The following ABLIM1 variants were observed in gnomAD, a reference collection of about 807,000 sequenced individuals.
The protein encoded by ABLIM1 is actin-binding LIM protein 1.
ABLIM1 carries 40 observed loss-of-function variants against 107.0 expected under a neutral mutation model. The ratio of observed to expected loss-of-function variants is 0.37; its 90% CI spans 0.29 to 0.49. The LOEUF is 0.49. Among genes scored for constraint, ABLIM1 ranks in the 20% least tolerant of loss-of-function variants. ABLIM1 has a pLI of 0.97. For synonymous variants in ABLIM1, 357 were observed against 357.3 expected, an observed-to-expected ratio of 1.00 and a Z score of 0.01; for missense variants, 857 against 1,008.5, an observed-to-expected ratio of 0.85 and a Z score of 2.04.
At chr10:114,479,103 C>T (rs2056946613) in intron 8 of ABLIM1, among the ~76,000 whole-genome samples, 1 of 152,104 alleles carries the variant, frequency 6.6e-6, no homozygotes, top group Admixed American at 6.6e-5. Flanking sequence ...TTTCTTTTAA[C>T]TTCCTTGAGC....
chr10:114,494,040 T>C (rs1210298297), intron 6 of ABLIM1, among the ~76,000 whole-genome samples: 1 of 152,192 alleles, frequency 6.6e-6, no homozygotes, highest in Admixed American at 6.5e-5. Context: ...AGTACTTTAG[T>C]ATGGGCATGG....
At chr10:114,787,393 G>C in the ABLIM1 span, among the ~76,000 whole-genome samples, 2 of 151,262 alleles carry the variant, frequency 1.3e-5, no homozygotes, top group African/African-American at 4.9e-5. Context: ...CACCCCGTCC[G>C]GGAGGGAGAT....
intron 1 of ABLIM1, among the ~76,000 whole-genome samples, chr10:114,711,246 T>A (rs1256370849): frequency 1.2e-4 from 19 of 152,232 alleles, no homozygotes; most frequent in Non-Finnish European, 2.6e-4. Context: ...GGGGTTTGCA[T>A]CATTTTCTTT....
chr10:114,485,353 C>T (rs139090722), intron 8 of ABLIM1: 1,125 of 1,612,508 alleles, frequency 7.0e-4, no homozygotes, highest in Admixed American at 1.1e-3. Flanking sequence ...TAAAAGAAAT[C>T]GGATGAAGAA....
chr10:114,702,437 T>C (rs994029447), intron 1 of ABLIM1, among the ~76,000 whole-genome samples: 1 of 152,186 alleles, frequency 6.6e-6, no homozygotes, highest in Non-Finnish European at 1.5e-5. Context: ...GTGATTCATT[T>C]GTATTTTAAC....
chr10:114,700,667 G>A (rs530635409), intron 1 of ABLIM1, among the ~76,000 whole-genome samples: 1 of 151,926 alleles, frequency 6.6e-6, no homozygotes, highest in African/African-American at 2.4e-5. Flanking sequence ...CTTTGCAAAG[G>A]CCCCAGTGCA....
Position 114,731,299 on chromosome 10 carries a change from C to G in ABLIM1, c.-213+36762G>C, listed in dbSNP as rs2082068165. Among the ~76,000 whole-genome samples the G allele has an allele frequency of 4.0e-5, 6 of 151,882 alleles. No homozygotes were observed. In the South Asian group the frequency reaches 1.2e-3, roughly 32 times the overall value. ...GAGATTACAGGTGCCTGCCACCACA[C>G]CCAGATAATTTTTTTTATTTTTAGT... On this transcript the variant is annotated intron_variant, in intron 1 of 15. Transcript: ENST00000651092.
Position 114,559,722 on chromosome 10 carries a change from A to T in ABLIM1, c.673+11575T>A, listed in dbSNP as rs562881623. 2.0e-5 allele frequency among the ~76,000 whole-genome samples: 3 copies of T among 152,250 alleles called. No homozygotes were observed. In the East Asian group the frequency reaches 5.8e-4, roughly 29 times the overall value. ...ATCCCTGAGCCACAAAGGACTTTGTATCTTTTTGCAGGGAGACAGAAGTAA... is the reference window on the plus strand; with the variant it reads ...ATCCCTGAGCCACAAAGGACTTTGTTTCTTTTTGCAGGGAGACAGAAGTAA... On this transcript the variant is annotated intron_variant, in intron 4 of 22. Transcript: ENST00000533213.
At chr10:114,564,191 T>C (rs2070287933) in intron 4 of ABLIM1, among the ~76,000 whole-genome samples, 1 of 151,694 alleles carries the variant, frequency 6.6e-6, no homozygotes, top group African/African-American at 2.4e-5. Flanking sequence ...GCCTCGTTGC[T>C]CTATCTTCCA....
At chr10:114,605,305 C>T (rs2076332344) in intron 1 of ABLIM1, among the ~76,000 whole-genome samples, 2 of 152,178 alleles carry the variant, frequency 1.3e-5, no homozygotes, top group South Asian at 4.2e-4. Flanking sequence ...TGTTTGTTGA[C>T]TCGATGCTAC....
chr10:114,512,759 A>G (rs909973892), intron 6 of ABLIM1, among the ~76,000 whole-genome samples: 1 of 151,390 alleles, frequency 6.6e-6, no homozygotes, highest in African/African-American at 2.4e-5. Flanking sequence ...CAGGAAGTGG[A>G]GGTTGCGGTG....
At chr10:114,769,646 A>G (rs947502722), upstream of ABLIM1, among the ~76,000 whole-genome samples, 1 of 152,148 alleles carries the variant, frequency 6.6e-6, no homozygotes, top group Admixed American at 6.5e-5. Context: ...TGTGATGGGA[A>G]TTGTATGGAA....
intron 6 of ABLIM1, among the ~76,000 whole-genome samples, chr10:114,541,713 G>T (rs756344568): frequency 6.6e-6 from 1 of 152,172 alleles, no homozygotes; most frequent in Non-Finnish European, 1.5e-5. Context: ...CTCACAAAAC[G>T]GCCTTCACAG....
chr10:114,441,042 A>G lies in ABLIM1; in HGVS notation c.2034T>C (p.Tyr678=), dbSNP rs143302464. ...CTCGCACTCCCCCGCTGACATCCCC[A>G]TAGCTGTTATACTGAGCGAAGTCGG... ...VSTDFAQYNS[Y]GDVSGGVRDY... is the part of the protein sequence containing the mutation. Residue 678 remains tyrosine, a synonymous_variant, in exon 19 of 23, where the codon TAT becomes TAC. Transcript: ENST00000533213. 783 of 1,590,466 alleles carry G rather than the reference A, an allele frequency of 4.9e-4. 1 individual carries two copies. In the African/African-American group the frequency reaches 8.9e-3, roughly 18 times the overall value.
At chr10:114,680,922 C>A (rs1216587612) in intron 1 of ABLIM1, among the ~76,000 whole-genome samples, 1 of 152,218 alleles carries the variant, frequency 6.6e-6, no homozygotes, top group Non-Finnish European at 1.5e-5. Context: ...CAGAATGTTA[C>A]TTAACAGCTC....
chr10:114,748,659 C>CTT (rs1290803247), intron 1 of ABLIM1, among the ~76,000 whole-genome samples: 25 of 121,556 alleles, frequency 2.1e-4, no homozygotes, highest in African/African-American at 6.0e-4. Context: ...TTTTTTTTTT[C>CTT]TTTTTTTTTT....
chr10:114,630,779 G>A (rs1336902825), intron 1 of ABLIM1, among the ~76,000 whole-genome samples: 2 of 152,204 alleles, frequency 1.3e-5, no homozygotes, highest in Non-Finnish European at 2.9e-5. Context: ...GGGGAGGAAA[G>A]AATGTCCCCA....
At chr10:114,507,095 A>ACC (rs1305181127) in intron 6 of ABLIM1, among the ~76,000 whole-genome samples, 4 of 152,184 alleles carry the variant, frequency 2.6e-5, no homozygotes, top group African/African-American at 9.7e-5. Context: ...GGGTTAGAGG[A>ACC]GCCTTCAGGG....
intron 2 of ABLIM1, among the ~76,000 whole-genome samples, chr10:114,583,391 G>A (rs1200670533): frequency 2.7e-5 from 3 of 109,758 alleles, no homozygotes; most frequent in Admixed American, 1.0e-4. Context: ...CTCCAAGGCT[G>A]TGGAGAAAAG....
Sources: gnomAD v4.1 joint callset for allele counts (sites outside exome capture counted in the v4.1 genomes callset) on GRCh38, gnomAD v4.1.1 for gene constraint, MANE v1.5 for transcripts, NCBI Gene and HGNC (gene_info 2026-07-23, HGNC 2026-07-21) for gene names.